Variants in EYA2 observed in about 807,000 individuals in gnomAD.
The protein encoded by EYA2 is protein phosphatase EYA2.
EYA2 carries 31 observed loss-of-function variants against 69.2 expected under a neutral mutation model. That is an observed-to-expected ratio of 0.45 (90% CI 0.34 to 0.60). The LOEUF (loss-of-function observed/expected upper bound fraction) is 0.60. EYA2 is among the 20% of genes least tolerant of loss of function. EYA2 has a pLI of 0.02. For missense variants in EYA2, 622 were observed against 701.2 expected (o/e 0.89, Z 1.28); for synonymous variants, 257 against 279.4 (o/e 0.92, Z 0.80).
chr20:47,164,431 C>T (rs369019012), intron 10 of EYA2, among the ~76,000 whole-genome samples: 1 of 152,306 alleles, frequency 6.6e-6, no homozygotes, highest in Admixed American at 6.5e-5. Context: ...GGCCTGAGCC[C>T]GGGTGACCCC....
At chr20:47,010,059 A>G (rs894719139) in intron 4 of EYA2, among the ~76,000 whole-genome samples, 1 of 152,154 alleles carries the variant, frequency 6.6e-6, no homozygotes, top group Non-Finnish European at 1.5e-5. Flanking sequence ...ACAGTCTTTT[A>G]GGGCTTTGTT....
Position 47,173,509 on chromosome 20 carries a change from T to TAAAAAAAAAAAA in EYA2, c.1198+654_1198+665dup, listed in dbSNP as rs767756028. Among the ~76,000 whole-genome samples, 4 of 83,650 alleles carry TAAAAAAAAAAAA rather than the reference T, an allele frequency of 4.8e-5. 1 individual carries two copies. The highest frequency in any genetic ancestry group is 1.6e-4 in the Admixed American group (1 of 6,226). 54.9% of individuals were successfully genotyped at this position (83,650 alleles called of 152,430 possible). ...GCCTGGGCAACAAAGTGAGACCCCG[T>TAAAAAAAAAAAA]AAAAAAAAAAAAAAAAAAAAAAACG... On this transcript the variant is annotated intron_variant, in intron 12 of 15. Transcript: ENST00000327619.
chr20:46,919,104 C>A (rs6018172), intron 1 of EYA2, among the ~76,000 whole-genome samples: 131,882 of 152,326 alleles, frequency 0.87, 57,922 homozygotes, highest in East Asian at 0.97. Flanking sequence ...GCTGTCATCC[C>A]GGCTTTATGT....
rs1231238766 is a variant in EYA2, at chr20:47,177,606, AGGG to A, written c.1199-2189_1199-2187del. On this transcript the variant is annotated intron_variant, in intron 12 of 15. Transcript: ENST00000327619. Reference sequence around the variant, plus strand: ...CCAGCATAGCTGAATAGCTGGAGTGAGGGGGCACGTGGTCCAGGACAGGATGAG... The same window carrying A: ...CCAGCATAGCTGAATAGCTGGAGTGAGGCACGTGGTCCAGGACAGGATGAG... Among the ~76,000 whole-genome samples, 4 of 152,368 alleles carry A rather than the reference AGGG, an allele frequency of 2.6e-5. No homozygotes were observed. The East Asian group carries it at 7.7e-4, about 29-fold the overall frequency.
chr20:47,143,404 G>A lies in EYA2; in HGVS notation c.978+256G>A, dbSNP rs1336789317. ...TTAACGGGCTCTTCTCTGTTCCAGT[G>A]GTAGTGTCCACTGGCAGTTTTACTA... On this transcript the variant is annotated intron_variant, in intron 10 of 15. Transcript: ENST00000327619. Among the ~76,000 whole-genome samples, 4 of 152,220 alleles carry A rather than the reference G, an allele frequency of 2.6e-5. No individual in the cohort carries two copies. In the Middle Eastern group the frequency reaches 0.01, roughly 388 times the overall value.
intron 1 of EYA2, among the ~76,000 whole-genome samples, chr20:46,946,339 G>A (rs1260118077): frequency 6.6e-6 from 1 of 152,170 alleles, no homozygotes; most frequent in African/African-American, 2.4e-5. Context: ...TATGGAGCAC[G>A]TTTTAGCTGT....
chr20:46,970,297 AT>A (rs1264926501), intron 1 of EYA2, among the ~76,000 whole-genome samples: 1 of 152,214 alleles, frequency 6.6e-6, no homozygotes, highest in Admixed American at 6.5e-5. Context: ...TGCTATAGAA[AT>A]TAGGGTTTTC....
At position 46,932,482 on chromosome 20, in the gene EYA2, G is replaced by T. The variant is rs549012418; in HGVS notation, c.-11+37495G>T. ...TCTCATCTTGAATTGTAATTCCCAT[G>T]TGCCAAGGGAGGGACCTGGTGGGAG... is the stretch of plus-strand genomic sequence containing the variant. On this transcript the variant is annotated intron_variant, in intron 1 of 15. Coordinates refer to ENST00000327619, the MANE Select transcript of EYA2 (RefSeq NM_005244.5). Among the ~76,000 whole-genome samples, 6 of 152,266 alleles carry T rather than the reference G, an allele frequency of 3.9e-5. No homozygotes were observed. In the South Asian group the frequency reaches 1.2e-3, roughly 32 times the overall value.
intron 5 of EYA2, among the ~76,000 whole-genome samples, chr20:47,028,146 G>T (rs1334080643): frequency 6.6e-6 from 1 of 152,184 alleles, no homozygotes; most frequent in Non-Finnish European, 1.5e-5. Flanking sequence ...CTGAGGACAG[G>T]CCATGCAAGG....
chr20:47,082,374 G>A (rs2031753340), intron 7 of EYA2, among the ~76,000 whole-genome samples: 1 of 151,882 alleles, frequency 6.6e-6, no homozygotes, highest in African/African-American at 2.4e-5. Flanking sequence ...CTATGAAAAA[G>A]CTACTAGATC....
At position 47,049,859 on chromosome 20, in the gene EYA2, G is replaced by GAC. The variant is rs1332420005; in HGVS notation, c.416-22325_416-22324dup. ...TCTCTCTAGGCTCCCATCTGTGACA[G>GAC]ACCCCCCCCCCACCGCCACCAGTCT... On this transcript the variant is annotated intron_variant, in intron 5 of 15. Transcript: ENST00000327619. 7.1e-3 allele frequency among the ~76,000 whole-genome samples: 923 copies of GAC among 129,474 alleles called. 7 individuals are homozygous for GAC. Among genetic ancestry groups the GAC allele is most frequent in the African/African-American group, 0.025 (878 of 34,766 alleles). The allele number at this position is 129,474 out of a possible 152,430, so 84.9% of individuals were successfully genotyped here.
At chr20:46,961,177 A>C (rs1274212680) in intron 1 of EYA2, among the ~76,000 whole-genome samples, 1 of 152,214 alleles carries the variant, frequency 6.6e-6, no homozygotes, top group Non-Finnish European at 1.5e-5. Context: ...TCTACTAAAA[A>C]TACAAAAATT....
chr20:47,172,731 C>T lies in EYA2; in HGVS notation c.1062C>T (p.Gly354=). ...DLSTYNFSAD[G]FHSSAPGANL... Reference sequence around the variant, plus strand: ...GCACATACAACTTCTCCGCTGACGGCTTCCACAGTTCGGCCCCAGGAGCCA... The same window carrying T: ...GCACATACAACTTCTCCGCTGACGGTTTCCACAGTTCGGCCCCAGGAGCCA... The change falls in exon 12 of 16, where the codon GGC becomes GGT. Residue 354 remains glycine (G), a synonymous_variant. Transcript: ENST00000327619. 6.2e-7 allele frequency: 1 copy of T among 1,613,546 alleles called. No individual in the cohort carries two copies. Among genetic ancestry groups the T allele is most frequent in the Non-Finnish European group, 8.5e-7 (1 of 1,179,730 alleles).
intron 9 of EYA2, among the ~76,000 whole-genome samples, chr20:47,115,269 A>G (rs2032858116): frequency 6.6e-6 from 1 of 152,094 alleles, no homozygotes; most frequent in Non-Finnish European, 1.5e-5. Flanking sequence ...ACTGCTCCCA[A>G]GGACCCCCTG....
chr20:47,081,650 A>T (rs1172028046), intron 7 of EYA2, among the ~76,000 whole-genome samples: 1 of 151,312 alleles, frequency 6.6e-6, no homozygotes, highest in Non-Finnish European at 1.5e-5. Context: ...GTGGTGCCAC[A>T]CGCCTGTGAT....
At chr20:46,958,223 G>T (rs376120620) in intron 1 of EYA2, among the ~76,000 whole-genome samples, 1 of 152,156 alleles carries the variant, frequency 6.6e-6, no homozygotes, top group South Asian at 2.1e-4. Flanking sequence ...CTCCTGCCAC[G>T]CTGCTGCCTG....
chr20:47,167,925 C>T (rs1250373380), intron 10 of EYA2, among the ~76,000 whole-genome samples: 1 of 152,286 alleles, frequency 6.6e-6, no homozygotes, highest in South Asian at 2.1e-4. Flanking sequence ...TGACTGGATC[C>T]AGGGGATCAG....
At chr20:47,164,667 A>T (rs1208415153) in intron 10 of EYA2, among the ~76,000 whole-genome samples, 1 of 152,116 alleles carries the variant, frequency 6.6e-6, no homozygotes, top group East Asian at 1.9e-4. Context: ...TCACATGCCT[A>T]GGGGGGTCAA....
At chr20:47,187,973 C>A in intron 15 of EYA2, 80 bp from the exon 16 acceptor site, 1 of 1,448,742 alleles carries the variant, frequency 6.9e-7, no homozygotes, top group Non-Finnish European at 9.5e-7. Context: ...GTTGACTTCT[C>A]ACATGCCCTC....
Sources: allele counts gnomAD v4.1 joint callset (sites outside exome capture counted in the v4.1 genomes callset), GRCh38; gene constraint gnomAD v4.1.1; transcripts MANE v1.5; gene names NCBI Gene and HGNC (gene_info 2026-07-23, HGNC 2026-07-21).